Variants in AFF3 observed in about 807,000 individuals in gnomAD.
AFF3 encodes the protein AF4/FMR2 family member 3.
A neutral mutation model predicts 129.7 loss-of-function variants in AFF3; 32 were observed. The observed-to-expected ratio is 0.25, with a 90% CI of 0.19 to 0.33. The LOEUF (loss-of-function observed/expected upper bound fraction) is 0.33. Ranked by LOEUF, AFF3 falls within the 10% of genes least tolerant of loss-of-function variation. AFF3 has a pLI of 1.00. For synonymous variants in AFF3, 644 were observed against 635.4 expected, an observed-to-expected ratio of 1.01 and a Z score of -0.20; for missense variants, 1,373 against 1,592.0, an observed-to-expected ratio of 0.86 and a Z score of 2.34.
intron 20 of AFF3, among the ~76,000 whole-genome samples, chr2:99,563,208 T>C (rs1488784113): frequency 3.3e-5 from 5 of 151,586 alleles, no homozygotes; most frequent in Admixed American, 3.3e-4. Flanking sequence ...TTTTCTTTCT[T>C]GAGACAGAGT....
At chr2:99,908,632 A>C (rs1335701540) in intron 7 of AFF3, among the ~76,000 whole-genome samples, 1 of 152,234 alleles carries the variant, frequency 6.6e-6, no homozygotes. Context: ...TTACAAGAAA[A>C]AAACAAACAA....
intron 9 of AFF3, among the ~76,000 whole-genome samples, chr2:99,746,967 A>G (rs1342150004): frequency 6.6e-6 from 1 of 151,718 alleles, no homozygotes; most frequent in African/African-American, 2.4e-5. Context: ...AAAAAAAAAG[A>G]AAGGAAAAAA....
chr2:99,927,736 GT>G (rs2106281981), intron 7 of AFF3, among the ~76,000 whole-genome samples: 1 of 152,196 alleles, frequency 6.6e-6, no homozygotes, highest in Admixed American at 6.5e-5. Context: ...TAAAATAAAA[GT>G]TAAAAAAAAT....
At chr2:100,019,229 G>C (rs564196319) in intron 4 of AFF3, among the ~76,000 whole-genome samples, 2 of 152,086 alleles carry the variant, frequency 1.3e-5, no homozygotes, top group African/African-American at 2.4e-5. Flanking sequence ...AATCCAACTC[G>C]ACTTCTTTTT....
chr2:99,687,863 G>T (rs1014418420), intron 11 of AFF3, among the ~76,000 whole-genome samples: 1 of 152,124 alleles, frequency 6.6e-6, no homozygotes, highest in Non-Finnish European at 1.5e-5. Flanking sequence ...AAGTCCATTT[G>T]AAATGGAGTC....
At position 99,909,410 on chromosome 2, in the gene AFF3, G is replaced by A. The variant is rs184438489; in HGVS notation, c.874-71886C>T. On this transcript the variant is annotated intron_variant, in intron 7 of 24. Coordinates refer to ENST00000672756, the MANE Select transcript of AFF3 (RefSeq NM_001386135.1). Reference sequence around the variant, plus strand: ...CTAAATGATGAGTTACTGGAGGGAGGGGGGAGGGATAGCATTAGGAGATAT... The same window carrying A: ...CTAAATGATGAGTTACTGGAGGGAGAGGGGAGGGATAGCATTAGGAGATAT... Among the ~76,000 whole-genome samples the A allele has an allele frequency of 9.7e-5, 10 of 102,592 alleles. No homozygotes were observed. In the East Asian group the frequency reaches 2.2e-3, roughly 23 times the overall value. 67.3% of individuals were successfully genotyped at this position (102,592 alleles called of 152,430 possible).
Position 99,970,804 on chromosome 2 carries a change from G to A in AFF3, c.873+35828C>T, listed in dbSNP as rs114444802. Reference sequence around the variant, plus strand: ...TCCTGAAGAGCCTGAACCACTGTGCGGATGAAGACATGGGGGAGGCGTGTC... The same window carrying A: ...TCCTGAAGAGCCTGAACCACTGTGCAGATGAAGACATGGGGGAGGCGTGTC... On this transcript the variant is annotated intron_variant, in intron 7 of 24. Coordinates refer to ENST00000672756, the MANE Select transcript of AFF3 (RefSeq NM_001386135.1). Among the ~76,000 whole-genome samples, 1,270 of 152,252 alleles carry A rather than the reference G, an allele frequency of 8.3e-3. 20 individuals are homozygous for A. Among genetic ancestry groups the A allele is most frequent in the African/African-American group, 0.029 (1,191 of 41,534 alleles).
chr2:99,694,809 C>T (rs1267157572), intron 11 of AFF3, among the ~76,000 whole-genome samples: 7 of 152,094 alleles, frequency 4.6e-5, no homozygotes, highest in South Asian at 2.1e-4. Context: ...TGGGTTCAAG[C>T]GACTCTCCTG....
intron 7 of AFF3, among the ~76,000 whole-genome samples, chr2:99,848,975 T>C (rs928979879): frequency 2.6e-5 from 4 of 152,112 alleles, no homozygotes; most frequent in African/African-American, 4.8e-5. Context: ...TAATGTAACA[T>C]GCAACCAAAT....
chr2:99,583,110 A>G lies in AFF3; in HGVS notation c.2592-111T>C, dbSNP rs1677740240. On this transcript the variant is annotated intron_variant, in intron 16 of 24. Coordinates refer to ENST00000672756, the MANE Select transcript of AFF3 (RefSeq NM_001386135.1). Reference sequence around the variant, plus strand: ...TGGGACCTGTTGGTAGGAGAAGCTTATTGGGAATTATTATACCAGGAAACA... The same window carrying G: ...TGGGACCTGTTGGTAGGAGAAGCTTGTTGGGAATTATTATACCAGGAAACA... The G allele has an allele frequency of 7.1e-6, 6 of 847,112 alleles. No homozygotes were observed. In the South Asian group the frequency reaches 9.9e-5, roughly 14 times the overall value. The allele number at this position is 847,112 out of a possible 1,614,324, so 52.5% of individuals were successfully genotyped here.
At chr2:99,615,074 T>G (rs1328635544) in intron 13 of AFF3, among the ~76,000 whole-genome samples, 1 of 152,230 alleles carries the variant, frequency 6.6e-6, no homozygotes, top group Non-Finnish European at 1.5e-5. Flanking sequence ...TATACAGCTG[T>G]CTTCTCTGGA....
At chr2:99,802,663 T>C (rs1686029649) in intron 8 of AFF3, among the ~76,000 whole-genome samples, 3 of 148,856 alleles carry the variant, frequency 2.0e-5, no homozygotes, top group African/African-American at 7.4e-5. Context: ...ACTCTGTCTC[T>C]AAAAAATAAA....
intron 3 of AFF3, chr2:100,105,162 G>GGCCCC (rs1691188839): frequency 6.4e-6 from 2 of 314,720 alleles, no homozygotes; most frequent in Non-Finnish European, 9.3e-6. Flanking sequence ...GCCCGCGCCC[G>GGCCCC]GCCCCGCCCG....
At chr2:99,721,539 GAA>G (rs1176218853) in intron 11 of AFF3, among the ~76,000 whole-genome samples, 1 of 123,842 alleles carries the variant, frequency 8.1e-6, no homozygotes, top group African/African-American at 3.0e-5. Flanking sequence ...AAAAAAAAAA[GAA>G]AAAAAAAAAG....
At position 99,860,418 on chromosome 2, in the gene AFF3, G is replaced by T. The variant is rs542308961; in HGVS notation, c.874-22894C>A. Among the ~76,000 whole-genome samples, 25 of 152,256 alleles carry T rather than the reference G, an allele frequency of 1.6e-4. No homozygotes were observed. In the South Asian group the frequency reaches 5.2e-3, roughly 32 times the overall value. ...AATACAAAAAAACTAGCCAGGGGTG[G>T]TGGCGGGTGCCTGTAGCCCCAGCTA... is the stretch of plus-strand genomic sequence containing the variant. On this transcript the variant is annotated intron_variant, in intron 7 of 24. Coordinates refer to ENST00000672756, the MANE Select transcript of AFF3 (RefSeq NM_001386135.1).
Position 99,594,011 on chromosome 2 carries a change from C to G in AFF3, c.1650G>C (p.Pro550=). The G allele has an allele frequency of 6.4e-7, 1 of 1,573,452 alleles. No homozygotes were observed. Among genetic ancestry groups the G allele is most frequent in the East Asian group, 2.3e-5 (1 of 44,296 alleles). ...TCACCGCCACGGCCACGGCCGCGGG[C>G]GGGGACTTCTGCTTCACGCCTTTAC... is the stretch of plus-strand genomic sequence containing the variant. ...PGSKGVKQKS[P]PAAVAVAVSA... is the part of the protein sequence containing the mutation. Residue 550 remains proline, a synonymous_variant, in exon 15 of 25, where the codon CCG becomes CCC. Coordinates refer to ENST00000672756, the MANE Select transcript of AFF3 (RefSeq NM_001386135.1).
chr2:100,047,468 C>T (rs1685928737), intron 4 of AFF3, among the ~76,000 whole-genome samples: 1 of 152,218 alleles, frequency 6.6e-6, no homozygotes, highest in Admixed American at 6.5e-5. Flanking sequence ...AAAGGCACAA[C>T]ACAGACCCCG....
chr2:99,554,160 T>C, intron 24 of AFF3, 151 bp downstream of exon 24: 1 of 783,470 alleles, frequency 1.3e-6, no homozygotes, highest in Non-Finnish European at 2.1e-6. Context: ...TTTGAACTAG[T>C]TAGTGACATG....
rs180846018 is a variant in AFF3 at position 99,887,169 on chromosome 2, A to G, written c.874-49645T>C. Among the ~76,000 whole-genome samples, 238 of 152,340 alleles carry G rather than the reference A, an allele frequency of 1.6e-3. 1 individual carries two copies. The highest frequency in any genetic ancestry group is 5.3e-3 in the African/African-American group (221 of 41,576). ...ACCTGAATCCTCTCTGTCATGTTCA[A>G]TTTAGCCTCAGTCTTTAGAAACACA... On this transcript the variant is annotated intron_variant, in intron 7 of 24. Coordinates refer to ENST00000672756, the MANE Select transcript of AFF3 (RefSeq NM_001386135.1).
Sources: allele counts gnomAD v4.1 joint callset (sites outside exome capture counted in the v4.1 genomes callset), GRCh38; gene constraint gnomAD v4.1.1; transcripts MANE v1.5; gene names NCBI Gene and HGNC (gene_info 2026-07-23, HGNC 2026-07-21).